TENM2: variants seen among roughly 807,000 people sequenced by gnomAD.
TENM2 encodes teneurin-2.
A neutral mutation model predicts 245.2 loss-of-function variants in TENM2; 52 were observed. The ratio of observed to expected loss-of-function variants is 0.21; its 90% confidence interval spans 0.17 to 0.27. The LOEUF (loss-of-function observed/expected upper bound fraction) is 0.27, where lower values mean the gene tolerates loss of function less well. Ranked by LOEUF, TENM2 falls within the 10% of genes least tolerant of loss-of-function variation. The pLI, the probability that TENM2 is intolerant of heterozygous loss-of-function variation, is 1.00. For synonymous variants in TENM2, 1,363 were observed against 1,438.9 expected (o/e 0.95, Z 1.19); for missense variants, 3,046 against 3,666.8 (o/e 0.83, Z 4.37).
chr5:166,987,071 C>G, the TENM2 span, among the ~76,000 whole-genome samples: 3 of 152,260 alleles, frequency 2.0e-5, no homozygotes, highest in South Asian at 6.2e-4. Context: ...TGATTTTTCA[C>G]CCAGCTATTC....
intron 10 of TENM2, among the ~76,000 whole-genome samples, chr5:168,122,318 A>C (rs1304238807): frequency 1.3e-5 from 2 of 152,230 alleles, no homozygotes; most frequent in Non-Finnish European, 2.9e-5. Context: ...CTGGGACTAC[A>C]GGCACCGGCC....
intron 2 of TENM2, among the ~76,000 whole-genome samples, chr5:167,414,323 AAG>A (rs1763057275): frequency 6.6e-6 from 1 of 152,164 alleles, no homozygotes; most frequent in South Asian, 2.1e-4. Context: ...ATATTTTAAA[AAG>A]AAACAATAAT....
In TENM2 at chr5:168,256,449, G is replaced by A. The variant is rs186476327; in HGVS notation, c.7433-3834G>A. 5.6e-3 allele frequency among the ~76,000 whole-genome samples: 716 copies of A among 128,510 alleles called. 7 individuals are homozygous for A. Among genetic ancestry groups the A allele is most frequent in the African/African-American group, 0.018 (661 of 36,696 alleles). The allele number at this position is 128,510 out of a possible 152,430, so 84.3% of individuals were successfully genotyped here. ...ATTCTTTTTTTTTTTTTTTTGAGAC[G>A]GAGTCTTGCTCTGTTGCCCAAGCTG... On this transcript the variant is annotated intron_variant, in intron 27 of 28. Transcript: ENST00000518659.
the TENM2 span, among the ~76,000 whole-genome samples, chr5:167,214,349 G>T: frequency 2.6e-5 from 4 of 152,120 alleles, no homozygotes; most frequent in South Asian, 8.3e-4. Context: ...TACCATGGAA[G>T]GGATCTATAG....
At chr5:168,111,362 G>C (rs879861842) in intron 9 of TENM2, among the ~76,000 whole-genome samples, 1 of 152,130 alleles carries the variant, frequency 6.6e-6, no homozygotes, top group African/African-American at 2.4e-5. Flanking sequence ...CTCTCTTCAC[G>C]GGGGTCCTGC....
At chr5:167,763,894 C>T (rs1014269143) in intron 2 of TENM2, among the ~76,000 whole-genome samples, 2 of 151,930 alleles carry the variant, frequency 1.3e-5, no homozygotes, top group Non-Finnish European at 2.9e-5. Context: ...AACTTTAGCC[C>T]TCTCATCCTT....
chr5:167,086,203 C>T, the TENM2 span, among the ~76,000 whole-genome samples: 35 of 152,330 alleles, frequency 2.3e-4, 1 homozygote, highest in Admixed American at 2.2e-3. Context: ...CACATGCCAA[C>T]AGCCATTTTC....
At chr5:168,078,211 C>A (rs1051540581) in intron 7 of TENM2, among the ~76,000 whole-genome samples, 2 of 152,200 alleles carry the variant, frequency 1.3e-5, no homozygotes, top group African/African-American at 4.8e-5. Flanking sequence ...TGTCTGTTGG[C>A]TGCATAAATG....
intron 1 of TENM2, among the ~76,000 whole-genome samples, chr5:167,364,459 A>G (rs922345838): frequency 6.6e-6 from 1 of 152,166 alleles, no homozygotes. Context: ...AGTCATATCA[A>G]TAATTACATT....
intron 2 of TENM2, among the ~76,000 whole-genome samples, chr5:167,775,527 C>T (rs541882349): frequency 6.6e-6 from 1 of 152,090 alleles, no homozygotes. Context: ...GTGACAAACA[C>T]CAGTTATAAT....
intron 2 of TENM2, among the ~76,000 whole-genome samples, chr5:167,585,209 A>G (rs190544869): frequency 2.1e-4 from 32 of 152,222 alleles, no homozygotes; most frequent in Non-Finnish European, 3.4e-4. Context: ...AATCCCCAGA[A>G]TAGAATCGTT....
At chr5:167,113,630 G>A in the TENM2 span, among the ~76,000 whole-genome samples, 4 of 146,058 alleles carry the variant, frequency 2.7e-5, no homozygotes, top group African/African-American at 5.2e-5. Flanking sequence ...GCAACAGAGC[G>A]AGATCCTGTC....
intron 2 of TENM2, among the ~76,000 whole-genome samples, chr5:167,794,997 C>CT (rs1765221968): frequency 1.3e-5 from 2 of 152,158 alleles, no homozygotes; most frequent in African/African-American, 4.8e-5. Flanking sequence ...TTTCTATACT[C>CT]TAACATTATT....
chr5:167,762,664 T>C (rs1172271040), intron 2 of TENM2, among the ~76,000 whole-genome samples: 2 of 152,208 alleles, frequency 1.3e-5, no homozygotes, highest in Non-Finnish European at 2.9e-5. Context: ...GCAAAGTCTT[T>C]TACAGATTTA....
At chr5:167,800,584 T>G (rs1765637793) in intron 2 of TENM2, among the ~76,000 whole-genome samples, 2 of 152,194 alleles carry the variant, frequency 1.3e-5, no homozygotes, top group African/African-American at 4.8e-5. Flanking sequence ...ATATGCTCAT[T>G]AGGCCGCATG....
intron 5 of TENM2, among the ~76,000 whole-genome samples, chr5:168,022,956 A>G (rs1428766574): frequency 6.6e-6 from 1 of 152,136 alleles, no homozygotes; most frequent in Non-Finnish European, 1.5e-5. Flanking sequence ...TGCGTGTGCC[A>G]GGCTATTAAA....
chr5:168,110,039 C>CTT (rs5873091), intron 9 of TENM2, among the ~76,000 whole-genome samples: 60 of 121,874 alleles, frequency 4.9e-4, no homozygotes, highest in African/African-American at 1.4e-3. Flanking sequence ...AAGAACCCTT[C>CTT]TTTTTTTTTT....
At chr5:167,826,663 G>C (rs1375019565) in intron 2 of TENM2, among the ~76,000 whole-genome samples, 1 of 152,078 alleles carries the variant, frequency 6.6e-6, no homozygotes, top group Non-Finnish European at 1.5e-5. Context: ...TTGATTAAGG[G>C]ATCAATTAAA....
chr5:167,120,005 G>C, the TENM2 span, among the ~76,000 whole-genome samples: 1 of 152,136 alleles, frequency 6.6e-6, no homozygotes, highest in Non-Finnish European at 1.5e-5. Flanking sequence ...TGTGGGAGTC[G>C]AGCCTCGTAG....
Sources: allele counts gnomAD v4.1 joint callset (sites outside exome capture counted in the v4.1 genomes callset), GRCh38; gene constraint gnomAD v4.1.1; transcripts MANE v1.5; gene names NCBI Gene and HGNC (gene_info 2026-07-23, HGNC 2026-07-21).